Variants in GIPC1 observed in about 807,000 individuals in gnomAD.
The protein encoded by GIPC1 is GIPC PDZ domain containing family member 1, also known as PDZ domain-containing protein GIPC1.
A neutral mutation model predicts 28.5 loss-of-function variants in GIPC1; 15 were observed. That is an observed-to-expected ratio of 0.53 (90% confidence interval 0.35 to 0.81). GIPC1 has a LOEUF of 0.81. Among genes scored for constraint, GIPC1 ranks in the 30% least tolerant of loss-of-function variants. The probability of loss-of-function intolerance (pLI) is 0.01; values close to 1 mark genes in which losing one functional copy is unlikely to be tolerated. For synonymous variants in GIPC1, 224 were observed against 206.1 expected (o/e 1.09, Z -0.74); for missense variants, 439 against 481.9 (o/e 0.91, Z 0.83).
chr19:14,480,384 G>GTAGTGCC lies in GIPC1; in HGVS notation c.569_575dup (p.Tyr192Ter). 1 of 1,613,012 alleles carries GTAGTGCC rather than the reference G, an allele frequency of 6.2e-7. No homozygotes were observed. The highest frequency in any genetic ancestry group is 1.1e-5 in the South Asian group (1 of 91,040). On this transcript the variant is annotated stop_gained and frameshift_variant, in exon 6 of 9. Transcript: ENST00000393033. LOFTEE classifies it high-confidence loss of function. ...GCTCCTTGAGCAGCCGGGCCACCTC[G>GTAGTGCC]TAGTGCCGGCAGCCCAGCAGGCTCT...
intron 1 of GIPC1, among the ~76,000 whole-genome samples, chr19:14,495,136 A>T (rs1414068582): frequency 6.6e-6 from 1 of 152,072 alleles, no homozygotes; most frequent in African/African-American, 2.4e-5. Context: ...CCAGGGGGGA[A>T]CCCAGTGGGC....
chr19:14,485,857 A>G (rs2071833286), intron 3 of GIPC1, among the ~76,000 whole-genome samples: 2 of 150,668 alleles, frequency 1.3e-5, no homozygotes, highest in Non-Finnish European at 3.0e-5. Flanking sequence ...TGCAAGCTCC[A>G]CCTCCAGGGT....
At position 14,492,313 on chromosome 19, in the gene GIPC1, G is replaced by GT. The variant is rs796488066; in HGVS notation, c.-119+543dup. Among the ~76,000 whole-genome samples, 658 of 144,552 alleles carry GT rather than the reference G, an allele frequency of 4.6e-3. 7 individuals carry two copies. Among genetic ancestry groups the GT allele is most frequent in the African/African-American group, 9.7e-3 (384 of 39,756 alleles). 94.8% of individuals were successfully genotyped at this position (144,552 alleles called of 152,430 possible). On this transcript the variant is annotated intron_variant, in intron 2 of 8. Coordinates refer to ENST00000393033, the MANE Select transcript of GIPC1 (RefSeq NM_005716.4). ...ACAATTACTGCTACTGCCATCTTTT[G>GT]TTTTTTTTTTTGAGACGGAGTCTCG...
chr19:14,485,700 TATAGAGAG>T (rs2071822191), intron 3 of GIPC1, among the ~76,000 whole-genome samples: 3 of 68,836 alleles, frequency 4.4e-5, no homozygotes, highest in African/African-American at 6.3e-5. Flanking sequence ...TATATATATA[TATAGAGAG>T]AGAGAGAGAG....
intron 6 of GIPC1, 115 bp from the exon 7 acceptor site, chr19:14,479,639 A>C (rs2071681827): frequency 1.9e-6 from 1 of 523,074 alleles, no homozygotes; most frequent in African/African-American, 2.0e-5. Flanking sequence ...AGGCTTCTGC[A>C]AGTTTCTGGG....
chr19:14,485,738 G>GAGAGAGAGAGAGACAGAC (rs1555721833), intron 3 of GIPC1, among the ~76,000 whole-genome samples: 13 of 141,656 alleles, frequency 9.2e-5, no homozygotes, highest in African/African-American at 3.4e-4. Flanking sequence ...GAGAGAGAGA[G>GAGAGAGAGAGAGACAGAC]AGACAGAGAG....
intron 6 of GIPC1, chr19:14,479,872 G>A: frequency 1.1e-5 from 4 of 372,980 alleles, no homozygotes; most frequent in Non-Finnish European, 2.0e-5. Flanking sequence ...AAGGGGGTAT[G>A]GCTGCTGGGC....
intron 3 of GIPC1, among the ~76,000 whole-genome samples, chr19:14,485,683 A>AT (rs2071818232): frequency 1.3e-4 from 6 of 45,480 alleles, no homozygotes; most frequent in Admixed American, 2.7e-4. Context: ...ATAAATAAAC[A>AT]AATATATATA....
rs2071640071 is a variant in GIPC1, at chr19:14,478,202, C to T, written c.*214G>A. 4 of 556,900 alleles carry T rather than the reference C, an allele frequency of 7.2e-6. No individual in the cohort carries two copies. The highest frequency in any genetic ancestry group is 6.2e-5 in the Admixed American group (2 of 32,088). The allele number at this position is 556,900 out of a possible 1,614,324, so 34.5% of individuals were successfully genotyped here. A position where few individuals can be genotyped will look rare whatever the true frequency, so the allele number is the denominator to read the frequency against. On this transcript the variant is annotated 3_prime_UTR_variant, in exon 9 of 9. Coordinates refer to ENST00000393033, the MANE Select transcript of GIPC1 (RefSeq NM_005716.4). This position sits in a 1 kb window ranked among gnomAD's most constrained non-coding sequence, Gnocchi z 5.2. Reference sequence around the variant, plus strand: ...GCTGAGGTAGGTGGGGAACAGGGCACAGGGGGGCCGGGGACCCCGGCCAGA... The same window carrying T: ...GCTGAGGTAGGTGGGGAACAGGGCATAGGGGGGCCGGGGACCCCGGCCAGA...
chr19:14,490,415 C>T (rs1383079477), intron 3 of GIPC1, among the ~76,000 whole-genome samples: 6 of 151,942 alleles, frequency 3.9e-5, no homozygotes, highest in Middle Eastern at 3.4e-3. Context: ...CGGTGGTTCA[C>T]GCCTGTAATC....
At chr19:14,480,084 G>C (rs1599346594) in intron 6 of GIPC1, 1 of 595,908 alleles carries the variant, frequency 1.7e-6, no homozygotes, top group Non-Finnish European at 3.0e-6. Context: ...CTGGAAGCTA[G>C]GTGTGAGGGC....
chr19:14,478,620 G>C lies in GIPC1; in HGVS notation c.851-53C>G. The C allele has an allele frequency of 6.2e-7, 1 of 1,612,084 alleles. No homozygotes were observed. The highest frequency in any genetic ancestry group is 1.3e-5 in the African/African-American group (1 of 74,962). On this transcript the variant is annotated intron_variant, in intron 8 of 8. Transcript: ENST00000393033. The surrounding 1 kb of genome is among the most constrained non-coding windows in gnomAD (Gnocchi z 5.2). ...CACAAATGACACCAGGGACCAAGGG[G>C]CTCAGGGTGGATTCGGCCCCCAGCA...
chr19:14,487,728 G>A (rs2071878745), intron 3 of GIPC1, among the ~76,000 whole-genome samples: 1 of 141,352 alleles, frequency 7.1e-6, no homozygotes, highest in Non-Finnish European at 1.5e-5. Context: ...CAAGGCTGAG[G>A]TGCAGTGGTG....
chr19:14,478,913 C>A lies in GIPC1; in HGVS notation c.769-148G>T. On this transcript the variant is annotated intron_variant, in intron 7 of 8. Coordinates refer to ENST00000393033, the MANE Select transcript of GIPC1 (RefSeq NM_005716.4). The surrounding 1 kb of genome is among the most constrained non-coding windows in gnomAD (Gnocchi z 5.2). ...AGGTGGTATCGGTGTTCAGCTCATC[C>A]CCATTTTACTGATGGGCAAACTGCG... 1 of 703,114 alleles carries A rather than the reference C, an allele frequency of 1.4e-6. No homozygotes were observed. The highest frequency in any genetic ancestry group is 1.7e-5 in the South Asian group (1 of 59,422). 43.6% of individuals were successfully genotyped at this position (703,114 alleles called of 1,614,324 possible). A position where few individuals can be genotyped will look rare whatever the true frequency, so the allele number is the denominator to read the frequency against.
intron 3 of GIPC1, chr19:14,489,279 G>A: frequency 1.4e-5 from 10 of 696,304 alleles, no homozygotes; most frequent in Non-Finnish European, 2.7e-5. Flanking sequence ...CAATCGATTG[G>A]CTAACGAGGT....
chr19:14,485,559 G>A (rs187114877), intron 3 of GIPC1, among the ~76,000 whole-genome samples: 92 of 151,522 alleles, frequency 6.1e-4, no homozygotes, highest in African/African-American at 2.1e-3. Flanking sequence ...GCTGAGGCAG[G>A]AGAATTGCTT....
At chr19:14,482,035 C>A (rs1242743738) in intron 4 of GIPC1, 3 of 154,220 alleles carry the variant, frequency 1.9e-5, no homozygotes, top group Non-Finnish European at 4.3e-5. Context: ...CAATGCCTGA[C>A]AGGAACTCAG....
chr19:14,485,683 A>G (rs2071818123), intron 3 of GIPC1, among the ~76,000 whole-genome samples: 1 of 45,480 alleles, frequency 2.2e-5, no homozygotes, highest in Non-Finnish European at 4.8e-5. Context: ...ATAAATAAAC[A>G]AATATATATA....
chr19:14,483,056 C>T (rs2071767130), intron 3 of GIPC1, 50 bp from the exon 4 acceptor site: 2 of 1,301,804 alleles, frequency 1.5e-6, no homozygotes, highest in Non-Finnish European at 2.1e-6. Context: ...CCTTGGGTGC[C>T]CCTCCCACAC....
Sources: gnomAD v4.1 joint callset for allele counts (sites outside exome capture counted in the v4.1 genomes callset) on GRCh38, gnomAD v4.1.1 for gene constraint, Gnocchi (gnomAD v3.1) non-coding constraint, MANE v1.5 for transcripts, NCBI Gene and HGNC (gene_info 2026-07-23, HGNC 2026-07-21) for gene names.